The following NNT variants were observed in gnomAD, a reference collection of about 807,000 sequenced individuals.
NNT encodes NAD(P) transhydrogenase, mitochondrial.
Under a neutral mutation model 104.8 loss-of-function variants are expected in NNT, and 50 were observed. The ratio of observed to expected loss-of-function variants is 0.48; its 90% confidence interval spans 0.38 to 0.60. The LOEUF (loss-of-function observed/expected upper bound fraction) is 0.60, where lower values mean the gene tolerates loss of function less well. Among genes scored for constraint, NNT ranks in the 20% least tolerant of loss-of-function variants. NNT has a pLI of 0.00. For missense variants in NNT, 1,131 were observed against 1,330.7 expected (o/e 0.85, Z 2.33); for synonymous variants, 461 against 490.4 (o/e 0.94, Z 0.79).
intron 19 of NNT, among the ~76,000 whole-genome samples, chr5:43,686,020 T>A (rs1741969082): frequency 6.6e-6 from 1 of 152,178 alleles, no homozygotes. Context: ...TGAATAGTTC[T>A]TGTATACACT....
At chr5:43,629,512 CAA>C (rs907573196) in intron 7 of NNT, among the ~76,000 whole-genome samples, 12 of 152,198 alleles carry the variant, frequency 7.9e-5, no homozygotes, top group African/African-American at 2.7e-4. Context: ...ACTGCTGAAT[CAA>C]ATGGTAGTTC....
chr5:43,617,848 T>C (rs1176664887), intron 4 of NNT, among the ~76,000 whole-genome samples: 9 of 152,222 alleles, frequency 5.9e-5, no homozygotes, highest in South Asian at 4.1e-4. Context: ...ACAGATACTG[T>C]AATCTCTAAA....
At chr5:43,685,290 A>G (rs924415419) in intron 19 of NNT, among the ~76,000 whole-genome samples, 3 of 152,162 alleles carry the variant, frequency 2.0e-5, no homozygotes, top group Admixed American at 1.3e-4. Context: ...ATTTAGAAAA[A>G]TTGTGGGATG....
intron 19 of NNT, among the ~76,000 whole-genome samples, chr5:43,679,468 C>G (rs1283014695): frequency 6.6e-6 from 1 of 152,104 alleles, no homozygotes; most frequent in Non-Finnish European, 1.5e-5. Flanking sequence ...GAAAATCAGT[C>G]CAGTGTTAAA....
intron 17 of NNT, among the ~76,000 whole-genome samples, chr5:43,674,619 C>A (rs1741310312): frequency 6.6e-6 from 1 of 152,134 alleles, no homozygotes; most frequent in Non-Finnish European, 1.5e-5. Context: ...ATGACAGTTT[C>A]AATCACATGC....
At chr5:43,675,401 G>A (rs1741356938) in intron 17 of NNT, 110 bp from the exon 18 acceptor site, 1 of 970,808 alleles carries the variant, frequency 1.0e-6, no homozygotes, top group Admixed American at 3.3e-5. Context: ...TGTTTTAAAT[G>A]ATCAAATAAA....
intron 19 of NNT, among the ~76,000 whole-genome samples, chr5:43,695,039 G>A (rs1223711091): frequency 6.6e-6 from 1 of 152,110 alleles, no homozygotes; most frequent in East Asian, 1.9e-4. Flanking sequence ...CGGTGTATGT[G>A]TCCAGGAATG....
Position 43,650,623 on chromosome 5 carries a change from A to G in NNT, c.1717+36A>G. ...AGTGAAAGGTCTCAGTACTATTTTC[A>G]ATGGAGACATACAAAGCAAATATAA... On this transcript the variant is annotated intron_variant, in intron 12 of 21. Coordinates refer to ENST00000344920, the MANE Select transcript of NNT (RefSeq NM_182977.3). The G allele has an allele frequency of 2.1e-6, 3 of 1,442,302 alleles. 1 individual carries two copies. The highest frequency in any genetic ancestry group is 2.9e-6 in the Non-Finnish European group (3 of 1,024,460). The allele number at this position is 1,442,302 out of a possible 1,614,324, so 89.3% of individuals were successfully genotyped here.
At chr5:43,633,453 C>G (rs552403904) in intron 7 of NNT, among the ~76,000 whole-genome samples, 1 of 152,300 alleles carries the variant, frequency 6.6e-6, no homozygotes, top group Admixed American at 6.5e-5. Context: ...CCTTGCCCTT[C>G]CCTGCTTTTT....
chr5:43,691,727 A>G (rs1027542048), intron 19 of NNT, among the ~76,000 whole-genome samples: 5 of 152,224 alleles, frequency 3.3e-5, no homozygotes, highest in Non-Finnish European at 1.5e-5. Context: ...GACTTTTTCA[A>G]TCTAAAACTT....
chr5:43,672,182 C>T (rs999513402), intron 17 of NNT, among the ~76,000 whole-genome samples: 13 of 152,116 alleles, frequency 8.5e-5, no homozygotes, highest in African/African-American at 2.9e-4. Context: ...GTTAGCCATT[C>T]GTCTTAATAT....
chr5:43,616,009 A>G lies in NNT; in HGVS notation c.543A>G (p.Pro181=), dbSNP rs1042890150. ...KTTVLAMDQV[P]RVTIAQGYDA... is the part of the protein sequence containing the mutation. ...CAGTTCTGGCAATGGACCAGGTTCC[A>G]AGAGTCACAATTGCTCAGGGATATG... The change falls in exon 4 of 22, where the codon CCA becomes CCG. Residue 181 remains proline (P), a synonymous_variant. Transcript: ENST00000344920. 5 of 1,614,054 alleles carry G rather than the reference A, an allele frequency of 3.1e-6. No homozygotes were observed. In the Admixed American group the frequency reaches 5.0e-5, roughly 16 times the overall value.
intron 19 of NNT, among the ~76,000 whole-genome samples, chr5:43,695,375 C>A (rs1742506133): frequency 6.6e-6 from 1 of 152,126 alleles, no homozygotes; most frequent in Non-Finnish European, 1.5e-5. Context: ...TCTTAAATGA[C>A]CATAATTTTT....
At chr5:43,696,139 C>CA (rs1262731368) in intron 19 of NNT, among the ~76,000 whole-genome samples, 1 of 152,132 alleles carries the variant, frequency 6.6e-6, no homozygotes, top group Admixed American at 6.5e-5. Flanking sequence ...TGAGACAAGG[C>CA]AAGTCCCTTC....
At chr5:43,623,138 T>G (rs1401280468) in intron 5 of NNT, among the ~76,000 whole-genome samples, 1 of 152,114 alleles carries the variant, frequency 6.6e-6, no homozygotes, top group Non-Finnish European at 1.5e-5. Flanking sequence ...TCTGAGACAC[T>G]GCCCAGAGCT....
rs1037468721 is a variant in NNT at position 43,707,214 on chromosome 5, T to TA, written c.*2817dup. On this transcript the variant is annotated 3_prime_UTR_variant, in exon 22 of 22. Transcript: ENST00000344920. ...TTAAAAAAATAAAGAAATTTTGGGG[T>TA]AAAAAAACACAATATATTGTATTCT... The TA allele has an allele frequency of 3.3e-5, 5 of 151,954 alleles. No individual in the cohort carries two copies. The highest frequency in any genetic ancestry group is 1.2e-4 in the African/African-American group (5 of 41,464). 9.4% of individuals were successfully genotyped at this position (151,954 alleles called of 1,614,324 possible). A position where few individuals can be genotyped will look rare whatever the true frequency, so the allele number is the denominator to read the frequency against.
intron 2 of NNT, among the ~76,000 whole-genome samples, chr5:43,611,166 A>C (rs913089671): frequency 1.2e-4 from 17 of 144,350 alleles, no homozygotes. Context: ...GGGTCCACAC[A>C]TTGTATTTGC....
chr5:43,656,153 A>T, intron 15 of NNT, 80 bp downstream of exon 15: 2 of 1,238,778 alleles, frequency 1.6e-6, no homozygotes, highest in Non-Finnish European at 2.3e-6. Flanking sequence ...CAGAAAATAC[A>T]TTAACAGGGC....
At chr5:43,632,677 A>G (rs1240073369) in intron 7 of NNT, among the ~76,000 whole-genome samples, 1 of 152,144 alleles carries the variant, frequency 6.6e-6, no homozygotes, top group Non-Finnish European at 1.5e-5. Context: ...TGTGCACACA[A>G]AGAAAAGCTC....
Sources: gnomAD v4.1 joint callset for allele counts (sites outside exome capture counted in the v4.1 genomes callset) on GRCh38, gnomAD v4.1.1 for gene constraint, MANE v1.5 for transcripts, NCBI Gene and HGNC (gene_info 2026-07-23, HGNC 2026-07-21) for gene names.